Variants in COL22A1 observed in about 807,000 individuals in gnomAD.
The protein encoded by COL22A1 is collagen alpha-1(XXII) chain.
In COL22A1, 221 loss-of-function variants were observed where a neutral mutation model predicts 248.9. That is an observed-to-expected ratio of 0.89 (90% CI 0.80 to 0.99). The LOEUF (loss-of-function observed/expected upper bound fraction) is 0.99, where lower values mean the gene tolerates loss of function less well. Ranked by LOEUF, COL22A1 falls within the 50% of genes least tolerant of loss-of-function variation. The pLI is 0.00. For missense variants in COL22A1, 2,240 were observed against 2,179.0 expected, an observed-to-expected ratio of 1.03 and a Z score of -0.56; for synonymous variants, 891 against 793.4, an observed-to-expected ratio of 1.12 and a Z score of -2.07.
intron 3 of COL22A1, among the ~76,000 whole-genome samples, chr8:138,845,980 G>T (rs1290767251): frequency 6.6e-6 from 1 of 152,282 alleles, no homozygotes; most frequent in African/African-American, 2.4e-5. Flanking sequence ...ATATTTGAGG[G>T]TATAAGTGTC....
intron 1 of COL22A1, among the ~76,000 whole-genome samples, chr8:138,885,163 T>G (rs796272966): frequency 6.6e-6 from 1 of 152,180 alleles, no homozygotes; most frequent in African/African-American, 2.4e-5. Flanking sequence ...TAGGAATTAT[T>G]TGTGGCTCCA....
At chr8:138,636,112 C>T (rs1051410839) in intron 48 of COL22A1, among the ~76,000 whole-genome samples, 11 of 152,062 alleles carry the variant, frequency 7.2e-5, no homozygotes, top group African/African-American at 2.7e-4. Context: ...ATGACAGCAG[C>T]AAAGCAGAAG....
chr8:138,615,489 C>T (rs1015108718), intron 55 of COL22A1, among the ~76,000 whole-genome samples: 3 of 150,616 alleles, frequency 2.0e-5, no homozygotes, highest in Admixed American at 6.6e-5. Flanking sequence ...TGAGATCACG[C>T]CAATGCACTT....
chr8:138,697,833 G>C (rs1827632200), intron 32 of COL22A1, among the ~76,000 whole-genome samples: 1 of 152,232 alleles, frequency 6.6e-6, no homozygotes, highest in African/African-American at 2.4e-5. Context: ...TACAAACATG[G>C]GTTGCCATGG....
At chr8:138,868,229 G>A in intron 3 of COL22A1, among the ~76,000 whole-genome samples, 1 of 152,118 alleles carries the variant, frequency 6.6e-6, no homozygotes, top group East Asian at 1.9e-4. Flanking sequence ...CCAATCCCAG[G>A]CCTTCCCTGA....
At chr8:138,903,191 G>C (rs1251660493) in intron 1 of COL22A1, among the ~76,000 whole-genome samples, 2 of 152,164 alleles carry the variant, frequency 1.3e-5, no homozygotes, top group Non-Finnish European at 2.9e-5. Flanking sequence ...ACCATAGCCT[G>C]ATGTGCTGAG....
intron 45 of COL22A1, among the ~76,000 whole-genome samples, chr8:138,654,339 C>G (rs1452893589): frequency 6.6e-6 from 1 of 152,152 alleles, no homozygotes; most frequent in Non-Finnish European, 1.5e-5. Flanking sequence ...AACTACCGCA[C>G]TTGTCAACAA....
At chr8:138,671,323 C>G (rs11990481) in intron 41 of COL22A1, among the ~76,000 whole-genome samples, 9,452 of 152,202 alleles carry the variant, frequency 0.062, 712 homozygotes, top group African/African-American at 0.18. Flanking sequence ...CAAACACAGA[C>G]CATACATGGC....
rs1325582559 is a variant in COL22A1, at chr8:138,660,356, A to T, written c.3285+80T>A. 15 of 1,240,582 alleles carry T rather than the reference A, an allele frequency of 1.2e-5. 1 individual carries two copies. The highest frequency in any genetic ancestry group is 1.9e-4 in the Middle Eastern group (1 of 5,312). 76.8% of individuals were successfully genotyped at this position (1,240,582 alleles called of 1,614,324 possible). A position where few individuals can be genotyped will look rare whatever the true frequency, so the allele number is the denominator to read the frequency against. The stretch of plus-strand genomic sequence containing the variant: ...AATGTTCCTTTGTTAAAACCTCTTG[A>T]ACTTTCTGAGTTGCATTTTTTCTCT... On this transcript the variant is annotated intron_variant, in intron 44 of 64. Coordinates refer to ENST00000303045, the MANE Select transcript of COL22A1 (RefSeq NM_152888.3).
chr8:138,597,058 G>A (rs530775494), intron 61 of COL22A1, 88 bp from the exon 62 acceptor site: 7 of 1,074,722 alleles, frequency 6.5e-6, no homozygotes, highest in East Asian at 4.7e-5. Flanking sequence ...CAGGAAGTTC[G>A]TAGGTGGTAT....
intron 10 of COL22A1, among the ~76,000 whole-genome samples, chr8:138,805,195 T>G (rs111066391): frequency 7.2e-6 from 1 of 139,276 alleles, no homozygotes; most frequent in Non-Finnish European, 1.5e-5. Flanking sequence ...TGTGTGTGAT[T>G]GGGTGTGTGA....
intron 10 of COL22A1, among the ~76,000 whole-genome samples, chr8:138,806,895 T>C (rs895717864): frequency 1.3e-5 from 2 of 152,176 alleles, no homozygotes; most frequent in African/African-American, 4.8e-5. Context: ...TACTCCCTGG[T>C]CTGTCTGCAC....
chr8:138,861,194 A>G (rs541401243), intron 3 of COL22A1, among the ~76,000 whole-genome samples: 2 of 152,336 alleles, frequency 1.3e-5, no homozygotes, highest in African/African-American at 4.8e-5. Context: ...CTGCTGGGAC[A>G]GGGGCCTCAG....
intron 49 of COL22A1, among the ~76,000 whole-genome samples, chr8:138,631,198 C>A (rs567215930): frequency 6.6e-6 from 1 of 152,316 alleles, no homozygotes; most frequent in East Asian, 1.9e-4. Context: ...TATTCAACCT[C>A]AGGTATTTCT....
intron 52 of COL22A1, among the ~76,000 whole-genome samples, chr8:138,620,887 A>G (rs1281397909): frequency 6.6e-6 from 1 of 152,164 alleles, no homozygotes; most frequent in Non-Finnish European, 1.5e-5. Context: ...AAGGCTGTCT[A>G]TATATCCATC....
At chr8:138,669,546 A>G (rs1411194625) in intron 41 of COL22A1, among the ~76,000 whole-genome samples, 1 of 152,200 alleles carries the variant, frequency 6.6e-6, no homozygotes, top group Non-Finnish European at 1.5e-5. Flanking sequence ...AGAAACAAAG[A>G]GTGCAGACTT....
At chr8:138,726,825 C>T (rs889117494) in intron 23 of COL22A1, among the ~76,000 whole-genome samples, 13 of 152,164 alleles carry the variant, frequency 8.5e-5, no homozygotes, top group Admixed American at 5.2e-4. Context: ...TCAGAGGCCA[C>T]GGGCTGTCAT....
At chr8:138,761,769 T>C (rs1044784555) in intron 17 of COL22A1, among the ~76,000 whole-genome samples, 1 of 152,214 alleles carries the variant, frequency 6.6e-6, no homozygotes, top group Non-Finnish European at 1.5e-5. Context: ...GAATAGATGA[T>C]GCGTTCACAT....
chr8:138,707,394 T>C (rs757670096), intron 30 of COL22A1, among the ~76,000 whole-genome samples: 26 of 152,224 alleles, frequency 1.7e-4, no homozygotes, highest in Admixed American at 1.5e-3. Context: ...CTCAATAAAA[T>C]ATGGCAAACC....
Sources: allele counts gnomAD v4.1 joint callset (sites outside exome capture counted in the v4.1 genomes callset), GRCh38; gene constraint gnomAD v4.1.1; transcripts MANE v1.5; gene names NCBI Gene and HGNC (gene_info 2026-07-23, HGNC 2026-07-21).